NXPH1: variants seen among roughly 807,000 people sequenced by gnomAD.
NXPH1 encodes the protein neurexophilin 1.
In NXPH1, 5 loss-of-function variants were observed where a neutral mutation model predicts 23.7. The ratio of observed to expected loss-of-function variants is 0.21; its 90% confidence interval spans 0.11 to 0.44. The LOEUF (loss-of-function observed/expected upper bound fraction) is 0.44, where lower values mean the gene tolerates loss of function less well. Ranked by LOEUF, NXPH1 falls within the 20% of genes least tolerant of loss-of-function variation. The pLI, the probability that NXPH1 is intolerant of heterozygous loss-of-function variation, is 0.99. For missense variants in NXPH1, 324 were observed against 321.6 expected (o/e 1.01, Z -0.06); for synonymous variants, 144 against 122.2 (o/e 1.18, Z -1.18).
intron 2 of NXPH1, among the ~76,000 whole-genome samples, chr7:8,608,379 G>A (rs1819546879): frequency 6.7e-6 from 1 of 149,368 alleles, no homozygotes; most frequent in African/African-American, 2.5e-5. Context: ...CCAGGCTGCA[G>A]TGCAGTGGAG....
chr7:8,468,023 A>G (rs903352207), intron 2 of NXPH1, among the ~76,000 whole-genome samples: 21 of 152,238 alleles, frequency 1.4e-4, no homozygotes, highest in African/African-American at 5.1e-4. Context: ...AAATTGCGCA[A>G]AAAGAAAAAT....
At chr7:8,603,522 TC>T (rs959795865) in intron 2 of NXPH1, among the ~76,000 whole-genome samples, 5 of 152,186 alleles carry the variant, frequency 3.3e-5, no homozygotes, top group African/African-American at 9.6e-5. Context: ...TTAAGACCCC[TC>T]AAGTCTGCCT....
intron 2 of NXPH1, among the ~76,000 whole-genome samples, chr7:8,702,479 A>C (rs1284457963): frequency 6.6e-6 from 1 of 152,100 alleles, no homozygotes; most frequent in Non-Finnish European, 1.5e-5. Context: ...TTGTTAGCAT[A>C]TCCATGGGAG....
chr7:8,659,005 AT>A (rs1205362505), intron 2 of NXPH1, among the ~76,000 whole-genome samples: 7,250 of 73,212 alleles, frequency 0.099, 2,315 homozygotes, highest in African/African-American at 0.21. Flanking sequence ...ATATATATAT[AT>A]TTTTTTTTTT....
intron 2 of NXPH1, among the ~76,000 whole-genome samples, chr7:8,610,949 T>C (rs998882563): frequency 3.3e-5 from 5 of 152,126 alleles, no homozygotes; most frequent in Non-Finnish European, 7.4e-5. Context: ...GGAATAGCCA[T>C]TAAGGGCCTA....
chr7:8,511,364 T>C (rs1443853821), intron 2 of NXPH1, among the ~76,000 whole-genome samples: 1 of 152,134 alleles, frequency 6.6e-6, no homozygotes, highest in African/African-American at 2.4e-5. Context: ...ATTTCCTTTC[T>C]GCATGTGGAA....
chr7:8,470,170 T>C (rs1364728971), intron 2 of NXPH1, among the ~76,000 whole-genome samples: 1 of 152,152 alleles, frequency 6.6e-6, no homozygotes, highest in East Asian at 1.9e-4. Context: ...TGGCCCAACA[T>C]GTCAGGCTTA....
intron 2 of NXPH1, among the ~76,000 whole-genome samples, chr7:8,697,613 A>G (rs774532770): frequency 6.6e-6 from 1 of 152,162 alleles, no homozygotes; most frequent in Non-Finnish European, 1.5e-5. Context: ...TTGTGTGATA[A>G]TTAGTATATA....
At position 8,560,868 on chromosome 7, in the gene NXPH1, G is replaced by A. The variant is rs75579930; in HGVS notation, c.54+125101G>A. ...ACTAGAAGCTTGTTCTCCTTATCTG[G>A]TTGTATTATTTCTTCCACACATTGT... On this transcript the variant is annotated intron_variant, in intron 2 of 2. Transcript: ENST00000405863. Among the ~76,000 whole-genome samples the A allele has an allele frequency of 3.5e-3, 529 of 151,692 alleles. 4 individuals are homozygous for A. Among genetic ancestry groups the A allele is most frequent in the African/African-American group, 0.013 (520 of 41,458 alleles).
intron 2 of NXPH1, among the ~76,000 whole-genome samples, chr7:8,670,506 CA>C (rs1209285168): frequency 1.3e-5 from 2 of 152,208 alleles, no homozygotes; most frequent in Admixed American, 1.3e-4. Flanking sequence ...CAAAGCTTCT[CA>C]TGTAAACTCG....
rs543075226 is a variant in NXPH1 at position 8,736,425 on chromosome 7, G to A, written c.55-14583G>A. On this transcript the variant is annotated intron_variant, in intron 2 of 2. Transcript: ENST00000405863. Reference sequence around the variant, plus strand: ...CAGGAGCAGGTTGCTCAGTTTCCAGGTAGTTGTGCAGTTTTGAATGAGTTT... The same window carrying A: ...CAGGAGCAGGTTGCTCAGTTTCCAGATAGTTGTGCAGTTTTGAATGAGTTT... 5.3e-5 allele frequency among the ~76,000 whole-genome samples: 8 copies of A among 152,304 alleles called. No individual in the cohort carries two copies. In the South Asian group the frequency reaches 1.7e-3, roughly 32 times the overall value.
intron 2 of NXPH1, among the ~76,000 whole-genome samples, chr7:8,593,246 G>T (rs1195860086): frequency 6.6e-6 from 1 of 151,470 alleles, no homozygotes; most frequent in Non-Finnish European, 1.5e-5. Flanking sequence ...TCGGTAACGG[G>T]TTATCTGCCC....
chr7:8,538,213 A>G (rs949264001), intron 2 of NXPH1, among the ~76,000 whole-genome samples: 1 of 151,954 alleles, frequency 6.6e-6, no homozygotes, highest in Non-Finnish European at 1.5e-5. Flanking sequence ...ATGTCATGTG[A>G]CTTGCCCCCA....
intron 2 of NXPH1, among the ~76,000 whole-genome samples, chr7:8,450,589 C>T (rs1207690560): frequency 6.6e-6 from 1 of 152,192 alleles, no homozygotes; most frequent in Non-Finnish European, 1.5e-5. Flanking sequence ...AGTGGAAATC[C>T]TCTGGTAAGA....
chr7:8,713,039 T>C (rs2115199195), intron 2 of NXPH1, among the ~76,000 whole-genome samples: 1 of 152,282 alleles, frequency 6.6e-6, no homozygotes, highest in Middle Eastern at 3.4e-3. Flanking sequence ...TTTAAAGCCA[T>C]AACTCTTATA....
intron 2 of NXPH1, among the ~76,000 whole-genome samples, chr7:8,667,461 G>GCT: frequency 6.9e-6 from 1 of 145,618 alleles, no homozygotes; most frequent in East Asian, 2.0e-4. Flanking sequence ...TTGGTTGACA[G>GCT]TTTTTTTTTT....
chr7:8,556,609 A>T (rs937955624), intron 2 of NXPH1, among the ~76,000 whole-genome samples: 5 of 151,774 alleles, frequency 3.3e-5, no homozygotes, highest in African/African-American at 4.8e-5. Context: ...AACTGACACA[A>T]CATTACATCA....
intron 2 of NXPH1, among the ~76,000 whole-genome samples, chr7:8,481,417 G>A (rs1327220634): frequency 6.6e-6 from 1 of 152,168 alleles, no homozygotes; most frequent in Non-Finnish European, 1.5e-5. Context: ...GTTAGTGGTT[G>A]TGAAAGATCT....
chr7:8,482,164 C>G (rs1466176515), intron 2 of NXPH1, among the ~76,000 whole-genome samples: 1 of 152,212 alleles, frequency 6.6e-6, no homozygotes, highest in Non-Finnish European at 1.5e-5. Flanking sequence ...AAAGAGCAGC[C>G]TCAGCTTGAA....
Sources: gnomAD v4.1 joint callset for allele counts (sites outside exome capture counted in the v4.1 genomes callset) on GRCh38, gnomAD v4.1.1 for gene constraint, MANE v1.5 for transcripts, NCBI Gene and HGNC (gene_info 2026-07-23, HGNC 2026-07-21) for gene names.